Variants in VPS13D observed in about 807,000 individuals in gnomAD.
VPS13D encodes the protein vacuolar protein sorting 13 homolog D, also known as intermembrane lipid transfer protein VPS13D.
Under a neutral mutation model 461.9 loss-of-function variants are expected in VPS13D, and 187 were observed. The ratio of observed to expected loss-of-function variants is 0.40; its 90% CI spans 0.36 to 0.46. VPS13D has a LOEUF of 0.46. Ranked by LOEUF, VPS13D falls within the 20% of genes least tolerant of loss-of-function variation. The pLI is 0.60. For synonymous variants in VPS13D, 1,951 were observed against 1,986.3 expected (o/e 0.98, Z 0.47); for missense variants, 4,711 against 5,364.9 (o/e 0.88, Z 3.81).
chr1:12,405,608 C>T (rs542996554), intron 63 of VPS13D, among the ~76,000 whole-genome samples: 11 of 152,274 alleles, frequency 7.2e-5, no homozygotes, highest in African/African-American at 2.6e-4. Flanking sequence ...CTGTCTGCTT[C>T]ATTCGCTTTA....
intron 67 of VPS13D, among the ~76,000 whole-genome samples, chr1:12,475,222 G>A (rs1398005617): frequency 6.6e-6 from 1 of 152,172 alleles, no homozygotes; most frequent in African/African-American, 2.4e-5. Flanking sequence ...CAAGAGCAGA[G>A]CCCTGACTCC....
Position 12,322,684 on chromosome 1 carries a change from G to C in VPS13D, c.7853G>C (p.Gly2618Ala). ...ESDSVGTYLPGASRVGEEIRE... is the reference protein window; with the variant it reads ...ESDSVGTYLPAASRVGEEIRE... The stretch of plus-strand genomic sequence containing the variant: ...GACTCCGTTGGCACTTACCTTCCAG[G>C]TGCATCTCGCGTTGGAGAGGAAATC... The change falls in exon 34 of 70, where the codon GGT becomes GCT. Residue 2618 changes from glycine to alanine, a missense_variant. Transcript: ENST00000620676. 1 of 1,614,170 alleles carries C rather than the reference G, an allele frequency of 6.2e-7. No homozygotes were observed. Among genetic ancestry groups the C allele is most frequent in the South Asian group, 1.1e-5 (1 of 91,086 alleles).
chr1:12,435,788 G>A (rs559200800), intron 65 of VPS13D, among the ~76,000 whole-genome samples: 75 of 151,906 alleles, frequency 4.9e-4, no homozygotes, highest in Non-Finnish European at 9.0e-4. Context: ...TATTATCAAG[G>A]GGATACAGAG....
intron 52 of VPS13D, among the ~76,000 whole-genome samples, chr1:12,364,702 T>C (rs1644004767): frequency 6.6e-6 from 1 of 152,238 alleles, no homozygotes; most frequent in Non-Finnish European, 1.5e-5. Context: ...ATAATGGGTA[T>C]GAGGTGGTAT....
chr1:12,464,321 G>T (rs1319153871), intron 67 of VPS13D, among the ~76,000 whole-genome samples: 2 of 152,200 alleles, frequency 1.3e-5, no homozygotes, highest in Admixed American at 1.3e-4. Context: ...GAACCCAAGA[G>T]TCCAAGAGTT....
intron 54 of VPS13D, among the ~76,000 whole-genome samples, chr1:12,370,134 T>C (rs916792550): frequency 1.3e-5 from 2 of 152,184 alleles, no homozygotes; most frequent in Non-Finnish European, 2.9e-5. Flanking sequence ...AAGCCAAATA[T>C]AGTAGCTTAA....
chr1:12,442,585 C>CTT (rs370449071), intron 65 of VPS13D, among the ~76,000 whole-genome samples: 70 of 138,676 alleles, frequency 5.0e-4, no homozygotes, highest in African/African-American at 1.5e-3. Context: ...ATTTCCCTTA[C>CTT]TTTTTTTTTT....
chr1:12,253,218 T>G (rs9430215), intron 6 of VPS13D, among the ~76,000 whole-genome samples: 11,160 of 151,576 alleles, frequency 0.074, 678 homozygotes, highest in African/African-American at 0.15. Context: ...GTTGTATTAG[T>G]TATTATAAGT....
At chr1:12,414,502 A>G (rs1344860349) in intron 63 of VPS13D, among the ~76,000 whole-genome samples, 1 of 152,168 alleles carries the variant, frequency 6.6e-6, no homozygotes, top group Non-Finnish European at 1.5e-5. Context: ...GTCTATGAGA[A>G]GCCACCTACA....
At chr1:12,324,699 T>G (rs998729851) in intron 35 of VPS13D, among the ~76,000 whole-genome samples, 1 of 152,264 alleles carries the variant, frequency 6.6e-6, no homozygotes, top group South Asian at 2.1e-4. Context: ...AAGAAAGTGC[T>G]AGCACACAGC....
chr1:12,435,154 A>T (rs1275877270), intron 65 of VPS13D, among the ~76,000 whole-genome samples: 1 of 152,160 alleles, frequency 6.6e-6, no homozygotes. Flanking sequence ...CTGATTGCCC[A>T]GTTGAAATAA....
chr1:12,506,607 A>G (rs1321056899), intron 68 of VPS13D, among the ~76,000 whole-genome samples: 1 of 152,266 alleles, frequency 6.6e-6, no homozygotes, highest in Non-Finnish European at 1.5e-5. Flanking sequence ...ATTGAAAGGC[A>G]TCGTGTTTTC....
chr1:12,298,715 CTGAT>C (rs1642342878), intron 24 of VPS13D, among the ~76,000 whole-genome samples: 2 of 150,394 alleles, frequency 1.3e-5, no homozygotes, highest in Middle Eastern at 3.4e-3. Flanking sequence ...TGATTTTTCT[CTGAT>C]TGTCGGTTTC....
At chr1:12,312,039 T>TAATGATACGGCGAC in intron 29 of VPS13D, 114 bp downstream of exon 29, 13 of 828,976 alleles carry the variant, frequency 1.6e-5, no homozygotes, top group South Asian at 5.2e-5. Flanking sequence ...TGGAATGTTG[T>TAATGATACGGCGAC]CTGCAGAGTG....
chr1:12,258,375 C>A (rs1321189235), intron 10 of VPS13D, among the ~76,000 whole-genome samples: 1 of 152,108 alleles, frequency 6.6e-6, no homozygotes, highest in African/African-American at 2.4e-5. Context: ...CCCCCCAGCT[C>A]AAGAGACTGT....
chr1:12,370,572 G>A (rs867920616), intron 54 of VPS13D, among the ~76,000 whole-genome samples: 4 of 152,310 alleles, frequency 2.6e-5, no homozygotes, highest in Middle Eastern at 3.4e-3. Flanking sequence ...GATTTCACTA[G>A]TAATAATTGA....
rs758004921 is a variant in VPS13D, at chr1:12,308,657, T to C, written c.6650+16T>C. ...ATTTGGACAAGTGAGTGTTTTTTTT[T>C]TTTTTTGAGATGGAGTCTCGCTCTG... is the stretch of plus-strand genomic sequence containing the variant. On this transcript the variant is annotated intron_variant, in intron 27 of 69. Transcript: ENST00000620676. 2.5e-6 allele frequency: 4 copies of C among 1,612,024 alleles called. No homozygotes were observed. The highest frequency in any genetic ancestry group is 3.4e-6 in the Non-Finnish European group (4 of 1,179,380).
chr1:12,277,205 C>T lies in VPS13D; in HGVS notation c.3617C>T (p.Ser1206Leu). 1 of 1,614,188 alleles carries T rather than the reference C, an allele frequency of 6.2e-7. No individual in the cohort carries two copies. The highest frequency in any genetic ancestry group is 8.5e-7 in the Non-Finnish European group (1 of 1,180,032). Residue 1206 changes from serine (S) to leucine (L), a missense_variant, in exon 19 of 70, where the codon TCA becomes TTA. By Grantham distance (145) the Ser-to-Leu change is moderately radical (BLOSUM62 -2). Transcript: ENST00000620676. ...ATAGGTGGCACCAAAGTTAATGTCT[C>T]AATGGGTAGCACGTTTGACATGAAT... ...ASIGGTKVNV[S>L]MGSTFDMNGS...
intron 21 of VPS13D, among the ~76,000 whole-genome samples, chr1:12,287,743 C>A (rs569622287): frequency 6.6e-6 from 1 of 152,188 alleles, no homozygotes; most frequent in South Asian, 2.1e-4. Context: ...GAAAGAAAAT[C>A]TTTGATTATG....
Sources: gnomAD v4.1 joint callset for allele counts (sites outside exome capture counted in the v4.1 genomes callset) on GRCh38, gnomAD v4.1.1 for gene constraint, MANE v1.5 for transcripts, NCBI Gene and HGNC (gene_info 2026-07-23, HGNC 2026-07-21) for gene names.